The following TBXAS1 variants were observed in gnomAD, a reference collection of about 807,000 sequenced individuals.
TBXAS1 encodes the protein thromboxane-A synthase.
TBXAS1 carries 48 observed loss-of-function variants against 60.7 expected under a neutral mutation model. That is an observed-to-expected ratio of 0.79 (90% CI 0.63 to 1.01). The LOEUF is 1.01. TBXAS1 is among the 50% of genes least tolerant of loss of function. The pLI, the probability that TBXAS1 is intolerant of heterozygous loss-of-function variation, is 0.00. For missense variants in TBXAS1, 685 were observed against 686.3 expected (o/e 1.00, Z 0.02); for synonymous variants, 287 against 269.7 (o/e 1.06, Z -0.63).
At chr7:139,996,438 C>T (rs772423626) in intron 9 of TBXAS1, among the ~76,000 whole-genome samples, 17 of 152,140 alleles carry the variant, frequency 1.1e-4, no homozygotes, top group East Asian at 1.9e-4. Context: ...GACTCATCCC[C>T]GTCTGTGCGA....
chr7:139,945,506 TC>T (rs1808628475), intron 5 of TBXAS1, among the ~76,000 whole-genome samples: 1 of 152,204 alleles, frequency 6.6e-6, no homozygotes, highest in South Asian at 2.1e-4. Context: ...GTCAAGGCTC[TC>T]AAGGAACATT....
intron 8 of TBXAS1, among the ~76,000 whole-genome samples, chr7:139,958,935 G>C (rs577058921): frequency 7.9e-4 from 121 of 152,224 alleles, no homozygotes; most frequent in Non-Finnish European, 1.4e-3. Context: ...CTGGAGCCAG[G>C]GGGAGAAGGG....
At chr7:139,995,455 A>G (rs1216720612) in intron 9 of TBXAS1, among the ~76,000 whole-genome samples, 1 of 152,024 alleles carries the variant, frequency 6.6e-6, no homozygotes, top group African/African-American at 2.4e-5. Context: ...AGTGACCAGG[A>G]TCTGCTAAGG....
At chr7:139,849,411 C>A (rs1282486113) in intron 1 of TBXAS1, among the ~76,000 whole-genome samples, 2 of 149,936 alleles carry the variant, frequency 1.3e-5, no homozygotes, top group African/African-American at 4.9e-5. Context: ...AAAAAAAAAA[C>A]AACCCACCAA....
At chr7:139,992,286 G>A (rs1165675313) in intron 9 of TBXAS1, among the ~76,000 whole-genome samples, 1 of 152,218 alleles carries the variant, frequency 6.6e-6, no homozygotes, top group African/African-American at 2.4e-5. Context: ...TCAAGGCTCT[G>A]AGGCATGTGC....
intron 10 of TBXAS1, among the ~76,000 whole-genome samples, chr7:140,009,735 C>T (rs554400318): frequency 1.8e-4 from 21 of 118,310 alleles, no homozygotes; most frequent in Middle Eastern, 4.2e-3. Context: ...TCCCACCCCA[C>T]ACCTGCTCCA....
In TBXAS1 at chr7:139,896,433, CTTTTT is replaced by C. The variant is rs1212283324; in HGVS notation, c.237-14791_237-14787del. On this transcript the variant is annotated intron_variant, in intron 3 of 12. Coordinates refer to ENST00000448866, the MANE Select transcript of TBXAS1 (RefSeq NM_001061.7). This position sits in a 1 kb window ranked among gnomAD's most constrained non-coding sequence, Gnocchi z 4.0. ...TGCACATCTGGGGAACCATAAATAACTTTTTCACAGCAAGAATGAAAGGCTGTGGT... is the reference window on the plus strand; with the variant it reads ...TGCACATCTGGGGAACCATAAATAACCACAGCAAGAATGAAAGGCTGTGGT... 1.3e-5 allele frequency among the ~76,000 whole-genome samples: 2 copies of C among 152,138 alleles called. No individual in the cohort carries two copies. The highest frequency in any genetic ancestry group is 1.9e-4 in the East Asian group (1 of 5,190).
intron 9 of TBXAS1, among the ~76,000 whole-genome samples, chr7:139,977,802 C>T (rs1035213734): frequency 6.6e-6 from 1 of 152,170 alleles, no homozygotes; most frequent in African/African-American, 2.4e-5. Flanking sequence ...CCACCACCAT[C>T]GTAACAGTAA....
At chr7:139,969,683 C>T (rs1811052911) in intron 9 of TBXAS1, among the ~76,000 whole-genome samples, 1 of 152,118 alleles carries the variant, frequency 6.6e-6, no homozygotes, top group Non-Finnish European at 1.5e-5. Flanking sequence ...ATGGGTTTTT[C>T]CCCATGGGGA....
At chr7:139,816,325 G>C (rs1458879238) in intron 4 of TBXAS1, among the ~76,000 whole-genome samples, 1 of 152,160 alleles carries the variant, frequency 6.6e-6, no homozygotes, top group Non-Finnish European at 1.5e-5. Context: ...TCTCTCCTGG[G>C]GGACAGAGGA....
At chr7:139,988,490 C>A (rs1002810886) in intron 9 of TBXAS1, among the ~76,000 whole-genome samples, 1 of 152,198 alleles carries the variant, frequency 6.6e-6, no homozygotes, top group African/African-American at 2.4e-5. Context: ...TTTGTGTTCA[C>A]CTTGACCAGC....
At chr7:139,931,922 A>C (rs1484559729) in intron 4 of TBXAS1, among the ~76,000 whole-genome samples, 3 of 152,130 alleles carry the variant, frequency 2.0e-5, no homozygotes, top group Non-Finnish European at 4.4e-5. Flanking sequence ...ATAGGCACAG[A>C]GTTTCACTTT....
intron 1 of TBXAS1, among the ~76,000 whole-genome samples, chr7:139,840,537 T>C (rs1799364021): frequency 6.6e-6 from 1 of 152,180 alleles, no homozygotes; most frequent in Non-Finnish European, 1.5e-5. Context: ...AAAGTACTGC[T>C]GCATATGGCC....
rs757958944 is a variant in TBXAS1, at chr7:139,957,665, C to T, written c.720C>T (p.Ala240=). The T allele has an allele frequency of 2.5e-6, 4 of 1,614,096 alleles. No individual in the cohort carries two copies. The highest frequency in any genetic ancestry group is 1.3e-5 in the African/African-American group (1 of 75,010). The change falls in exon 8 of 13, where the codon GCC becomes GCT. Residue 240 remains alanine, a synonymous_variant. Transcript: ENST00000448866. ...LSFPSIMVPL[A]RILPNKNRDE... ...TTCCATCCATAATGGTCCCACTGGCCCGGATTTTGCCCAATAAGAACCGAG... is the reference window on the plus strand; with the variant it reads ...TTCCATCCATAATGGTCCCACTGGCTCGGATTTTGCCCAATAAGAACCGAG...
intron 1 of TBXAS1, among the ~76,000 whole-genome samples, chr7:139,867,817 G>A (rs1043166092): frequency 2.9e-5 from 4 of 140,276 alleles, no homozygotes; most frequent in Admixed American, 7.1e-5. Context: ...ACTCTGCCTC[G>A]AAAATAAATA....
chr7:139,957,906 G>A (rs1416132151), intron 8 of TBXAS1, 142 bp downstream of exon 8: 23 of 1,264,974 alleles, frequency 1.8e-5, no homozygotes, highest in Non-Finnish European at 2.4e-5. Context: ...AGCTTCCAGG[G>A]ACAGTGGAGA....
chr7:140,008,494 C>T (rs918943944), intron 10 of TBXAS1, among the ~76,000 whole-genome samples: 16 of 142,618 alleles, frequency 1.1e-4, no homozygotes, highest in African/African-American at 4.2e-4. Flanking sequence ...GTTGCCCAGG[C>T]TGGAGGGCAA....
In TBXAS1 at chr7:139,860,017, T is replaced by C. The variant is rs369879862; in HGVS notation, c.90-12218T>C. On this transcript the variant is annotated intron_variant, in intron 1 of 12. Transcript: ENST00000448866. The stretch of plus-strand genomic sequence containing the variant: ...AGCTGAGCACAATAGTGCACGCCTG[T>C]AGTCCTAGCTATCCGGGAGGCTGAG... Among the ~76,000 whole-genome samples the C allele has an allele frequency of 1.2e-3, 184 of 152,278 alleles. 1 individual carries two copies. The highest frequency in any genetic ancestry group is 6.8e-3 in the Middle Eastern group (2 of 294).
rs375743395 is a variant in TBXAS1, at chr7:139,783,167, T to C, written c.-169+438T>C. Reference sequence around the variant, plus strand: ...AAGGGGAGAGCGAGGCTTGGCAGGGTGAAGGGAATCTGATTGTGGAAATGG... The same window carrying C: ...AAGGGGAGAGCGAGGCTTGGCAGGGCGAAGGGAATCTGATTGTGGAAATGG... On this transcript the variant is annotated intron_variant, in intron 3 of 16. Coordinates refer to the TBXAS1 transcript ENST00000336425. Among the ~76,000 whole-genome samples, 167 of 151,638 alleles carry C rather than the reference T, an allele frequency of 1.1e-3. 4 individuals are homozygous for C. In the South Asian group the frequency reaches 0.034, roughly 30 times the overall value.
Sources: allele counts gnomAD v4.1 joint callset (sites outside exome capture counted in the v4.1 genomes callset), GRCh38; gene constraint gnomAD v4.1.1; non-coding constraint Gnocchi (gnomAD v3.1); transcripts MANE v1.5; gene names NCBI Gene and HGNC (gene_info 2026-07-23, HGNC 2026-07-21).